Variants in ARB2A observed in about 807,000 individuals in gnomAD.
ARB2A encodes the protein ARB2 cotranscriptional regulator A, also known as cotranscriptional regulator ARB2A.
chr5:93,873,202 G>T, the ARB2A span, among the ~76,000 whole-genome samples: 1 of 149,266 alleles, frequency 6.7e-6, no homozygotes, highest in Non-Finnish European at 1.5e-5. Flanking sequence ...TGAGGCAGGA[G>T]GATTGCTTGA....
chr5:93,740,794 C>T, the ARB2A span: 1 of 1,612,652 alleles, frequency 6.2e-7, no homozygotes. Context: ...GTTATAGAAC[C>T]AAACTCGAAC....
At chr5:93,780,277 G>A in the ARB2A span, among the ~76,000 whole-genome samples, 3 of 152,142 alleles carry the variant, frequency 2.0e-5, no homozygotes, top group East Asian at 1.9e-4. Context: ...ATGTAGAGCC[G>A]CACATCTGGT....
chr5:93,782,044 T>C, the ARB2A span: 1 of 412,038 alleles, frequency 2.4e-6, no homozygotes, highest in Non-Finnish European at 3.3e-6. Flanking sequence ...CAACCCACAC[T>C]GTAATCTTCT....
chr5:94,064,463 G>A, the ARB2A span, among the ~76,000 whole-genome samples: 7 of 152,296 alleles, frequency 4.6e-5, no homozygotes, highest in East Asian at 1.3e-3. Context: ...CGTCTAGAAA[G>A]AGATTTAGGC....
chr5:93,969,733 T>C, the ARB2A span, among the ~76,000 whole-genome samples: 2 of 152,164 alleles, frequency 1.3e-5, no homozygotes, highest in Admixed American at 1.3e-4. Context: ...AATTTACTTT[T>C]GACATTTATT....
chr5:93,962,430 CATA>C, the ARB2A span, among the ~76,000 whole-genome samples: 1 of 152,066 alleles, frequency 6.6e-6, no homozygotes, highest in African/African-American at 2.4e-5. Context: ...TAGGCATGAT[CATA>C]ATGTTTACTA....
chr5:93,824,082 G>C, the ARB2A span: 5 of 1,350,434 alleles, frequency 3.7e-6, no homozygotes, highest in South Asian at 1.1e-4. Flanking sequence ...GATACCAACA[G>C]AAAGAAAGGA....
the ARB2A span, among the ~76,000 whole-genome samples, chr5:94,060,761 A>T: frequency 1.3e-5 from 2 of 152,210 alleles, no homozygotes; most frequent in Admixed American, 1.3e-4. Flanking sequence ...AAAAATCTTC[A>T]ACAAAATATT....
At chr5:93,764,153 G>T in the ARB2A span, among the ~76,000 whole-genome samples, 1 of 152,064 alleles carries the variant, frequency 6.6e-6, no homozygotes, top group East Asian at 1.9e-4. Context: ...AGAAGCAAGA[G>T]CAAACACATC....
chr5:94,069,854 A>G, the ARB2A span, among the ~76,000 whole-genome samples: 12 of 152,326 alleles, frequency 7.9e-5, no homozygotes, highest in East Asian at 2.1e-3. Flanking sequence ...GTAAATCTGT[A>G]TAACCTCCAT....
At chr5:94,015,177 A>C in the ARB2A span, among the ~76,000 whole-genome samples, 1 of 152,140 alleles carries the variant, frequency 6.6e-6, no homozygotes, top group Admixed American at 6.5e-5. Flanking sequence ...CATGTAAAAG[A>C]GCTCCAAGTC....
At chr5:94,054,562 G>A in the ARB2A span, among the ~76,000 whole-genome samples, 2 of 152,090 alleles carry the variant, frequency 1.3e-5, no homozygotes, top group African/African-American at 2.4e-5. Flanking sequence ...CATCACCAGT[G>A]ATGCTAGCCT....
the ARB2A span, among the ~76,000 whole-genome samples, chr5:94,052,456 C>T: frequency 6.6e-6 from 1 of 152,096 alleles, no homozygotes. Flanking sequence ...AAGGAATATC[C>T]ACAAATACAG....
chr5:93,856,431 G>T, the ARB2A span, among the ~76,000 whole-genome samples: 13 of 152,186 alleles, frequency 8.5e-5, no homozygotes, highest in Admixed American at 7.9e-4. Context: ...ATCAGACGTA[G>T]ATTTGGTCTT....
the ARB2A span, among the ~76,000 whole-genome samples, chr5:94,043,010 A>G: frequency 2.0e-5 from 3 of 152,112 alleles, no homozygotes; most frequent in Non-Finnish European, 4.4e-5. Flanking sequence ...TGGCTGCCCT[A>G]AAATATTTTG....
At chr5:93,902,906 G>A in the ARB2A span, among the ~76,000 whole-genome samples, 1 of 152,102 alleles carries the variant, frequency 6.6e-6, no homozygotes, top group East Asian at 1.9e-4. Context: ...TCAAACATGG[G>A]GTCTTCAAAA....
chr5:94,077,115 C>T, the ARB2A span, among the ~76,000 whole-genome samples: 1 of 152,006 alleles, frequency 6.6e-6, no homozygotes, highest in Non-Finnish European at 1.5e-5. Flanking sequence ...TGGCTCACGC[C>T]TGTAATCCCA....
At chr5:93,969,018 CTTTTT>C in the ARB2A span, among the ~76,000 whole-genome samples, 3 of 113,208 alleles carry the variant, frequency 2.6e-5, no homozygotes, top group Non-Finnish European at 1.8e-5. Context: ...GAATTTTTTT[CTTTTT>C]TTTTTTTTTT....
chr5:93,720,881 T>C, the ARB2A span, among the ~76,000 whole-genome samples: 4 of 152,230 alleles, frequency 2.6e-5, no homozygotes, highest in African/African-American at 9.6e-5. Context: ...CTCACTGTTT[T>C]CTTTTTCATT....
Sources: allele counts gnomAD v4.1 joint callset (sites outside exome capture counted in the v4.1 genomes callset), GRCh38; gene constraint gnomAD v4.1.1; transcripts MANE v1.5; gene names NCBI Gene and HGNC (gene_info 2026-07-23, HGNC 2026-07-21).